ZNF197: variants seen among roughly 807,000 people sequenced by gnomAD.
ZNF197 encodes the protein VHL-associated KRAB-A domain-containing protein.
A neutral mutation model predicts 27.4 loss-of-function variants in ZNF197; 14 were observed. That is an observed-to-expected ratio of 0.51 (90% CI 0.34 to 0.80). ZNF197 has a LOEUF of 0.80. ZNF197 is among the 30% of genes least tolerant of loss of function. The pLI, the probability that ZNF197 is intolerant of heterozygous loss-of-function variation, is 0.02. For synonymous variants in ZNF197, 415 were observed against 420.0 expected, an observed-to-expected ratio of 0.99 and a Z score of 0.15; for missense variants, 1,090 against 1,222.6, an observed-to-expected ratio of 0.89 and a Z score of 1.62.
Position 44,642,659 on chromosome 3 carries a change from A to G in ZNF197, c.1529A>G (p.Tyr510Cys). The G allele has an allele frequency of 6.2e-7, 1 of 1,614,108 alleles. No homozygotes were observed. The change falls in exon 6 of 6, where the codon TAT becomes TGT. Residue 510 changes from tyrosine (Y) to cysteine (C), a missense_variant. Coordinates refer to ENST00000344387, the MANE Select transcript of ZNF197 (RefSeq NM_006991.5). ...HQRLHKGEEPYKCNKCQKAFI... is the reference protein window; with the variant it reads ...HQRLHKGEEPCKCNKCQKAFI... The stretch of plus-strand genomic sequence containing the variant: ...AGGCTCCACAAAGGGGAAGAACCTT[A>G]TAAATGTAATAAGTGTCAGAAAGCT...
Position 44,644,370 on chromosome 3 carries a change from G to A in ZNF197, c.*150G>A, listed in dbSNP as rs1403796234. On this transcript the variant is annotated 3_prime_UTR_variant, in exon 6 of 6. Coordinates refer to ENST00000344387, the MANE Select transcript of ZNF197 (RefSeq NM_006991.5). ...AGAAAGTTAATAGGCCGGGCTTGGT[G>A]GCTCATGCCTGTAATCCCAGCACTT... The A allele has an allele frequency of 2.9e-6, 4 of 1,399,596 alleles. No individual in the cohort carries two copies. In the African/African-American group the frequency reaches 4.4e-5, roughly 15 times the overall value. The allele number at this position is 1,399,596 out of a possible 1,614,324, so 86.7% of individuals were successfully genotyped here. A position where few individuals can be genotyped will look rare whatever the true frequency, so the allele number is the denominator to read the frequency against.
chr3:44,641,122 A>G (rs1490939539), intron 5 of ZNF197, among the ~76,000 whole-genome samples: 1 of 152,228 alleles, frequency 6.6e-6, no homozygotes, highest in Non-Finnish European at 1.5e-5. Flanking sequence ...CATACTGTTC[A>G]TACTTTAAAA....
intron 1 of ZNF197, among the ~76,000 whole-genome samples, chr3:44,626,176 T>C (rs1405387323): frequency 6.6e-6 from 1 of 152,218 alleles, no homozygotes; most frequent in African/African-American, 2.4e-5. Context: ...CCAGATCAGT[T>C]ACCAAGGACT....
chr3:44,634,862 T>C (rs1702198701), intron 5 of ZNF197, among the ~76,000 whole-genome samples: 1 of 152,156 alleles, frequency 6.6e-6, no homozygotes, highest in Admixed American at 6.5e-5. Flanking sequence ...GGGGTGTTAT[T>C]GCTTTTTGAG....
chr3:44,643,450 A>G lies in ZNF197; in HGVS notation c.2320A>G (p.Asn774Asp). Residue 774 changes from asparagine to aspartate, a missense_variant, in exon 6 of 6, where the codon AAC becomes GAC. Asn to Asp is a conservative substitution (Grantham distance 23, BLOSUM62 1). Coordinates refer to ENST00000344387, the MANE Select transcript of ZNF197 (RefSeq NM_006991.5). ...CSECGRAFSSNRNLIEHKRIH... is the reference protein window; with the variant it reads ...CSECGRAFSSDRNLIEHKRIH... ...TGAGTGTGGAAGAGCTTTCAGTTCAAACAGAAACCTCATTGAGCATAAGAG... is the reference window on the plus strand; with the variant it reads ...TGAGTGTGGAAGAGCTTTCAGTTCAGACAGAAACCTCATTGAGCATAAGAG... The G allele has an allele frequency of 6.2e-7, 1 of 1,614,220 alleles. No homozygotes were observed. The highest frequency in any genetic ancestry group is 2.2e-5 in the East Asian group (1 of 44,882).
intron 5 of ZNF197, among the ~76,000 whole-genome samples, chr3:44,636,436 T>G (rs1191782912): frequency 6.6e-6 from 1 of 152,184 alleles, no homozygotes; most frequent in African/African-American, 2.4e-5. Flanking sequence ...TCTACCTCTG[T>G]AGATTTGTGT....
At position 44,632,430 on chromosome 3, in the gene ZNF197, A is replaced by G. The variant is rs763823321; in HGVS notation, c.643-43A>G. 27 of 1,551,816 alleles carry G rather than the reference A, an allele frequency of 1.7e-5. No homozygotes were observed. The Admixed American group carries it at 5.3e-4, about 30-fold the overall frequency. ...AGTGAAGGGAACCTTTCGACAGGCA[A>G]GTTCCTGGGCATTGGTAATCTCACA... is the stretch of plus-strand genomic sequence containing the variant. On this transcript the variant is annotated intron_variant, in intron 4 of 5. Coordinates refer to ENST00000344387, the MANE Select transcript of ZNF197 (RefSeq NM_006991.5).
chr3:44,637,198 A>G (rs1469651822), intron 5 of ZNF197, among the ~76,000 whole-genome samples: 1 of 152,106 alleles, frequency 6.6e-6, no homozygotes, highest in Non-Finnish European at 1.5e-5. Flanking sequence ...GTGTGATCAT[A>G]GCTTACTGCA....
intron 5 of ZNF197, 45 bp downstream of exon 5, chr3:44,632,644 C>CT (rs1403907807): frequency 1.4e-6 from 2 of 1,409,096 alleles, no homozygotes; most frequent in Non-Finnish European, 1.9e-6. Context: ...TTTCACCAGC[C>CT]TTTATTTGTT....
intron 5 of ZNF197, among the ~76,000 whole-genome samples, chr3:44,636,788 T>G (rs146781405): frequency 1.3e-5 from 2 of 152,326 alleles, no homozygotes; most frequent in East Asian, 3.9e-4. Context: ...CCAGACTGTT[T>G]TCCAAAGCAA....
chr3:44,628,528 CAT>C (rs1201586615), intron 1 of ZNF197, among the ~76,000 whole-genome samples: 1 of 152,184 alleles, frequency 6.6e-6, no homozygotes, highest in Non-Finnish European at 1.5e-5. Context: ...GATTTTCTCT[CAT>C]ATGTATCATG....
At chr3:44,639,720 G>A (rs1702492842) in intron 5 of ZNF197, among the ~76,000 whole-genome samples, 1 of 151,672 alleles carries the variant, frequency 6.6e-6, no homozygotes, top group African/African-American at 2.4e-5. Flanking sequence ...GTGTAGGTAC[G>A]GGCTTAGGTA....
chr3:44,629,638 AATTAATAGC>A, intron 2 of ZNF197, 94 bp downstream of exon 2: 1 of 1,422,116 alleles, frequency 7.0e-7, no homozygotes, highest in African/African-American at 1.4e-5. Flanking sequence ...TTTCATTAAA[AATTAATAGC>A]ATTAATAGCA....
In ZNF197 at chr3:44,643,473, G is replaced by A. The variant is rs1431591216; in HGVS notation, c.2343G>A (p.Lys781=). Residue 781 remains lysine (K), a synonymous_variant, in exon 6 of 6, where the codon AAG becomes AAA. Coordinates refer to ENST00000344387, the MANE Select transcript of ZNF197 (RefSeq NM_006991.5). ...FSSNRNLIEH[K]RIHSGEKPYE... ...CAAACAGAAACCTCATTGAGCATAA[G>A]AGAATCCACAGTGGTGAGAAACCCT... is the stretch of plus-strand genomic sequence containing the variant. 6.2e-7 allele frequency: 1 copy of A among 1,614,182 alleles called. No homozygotes were observed. The highest frequency in any genetic ancestry group is 2.2e-5 in the East Asian group (1 of 44,870).
rs2125830371 is a variant in ZNF197 at position 44,646,187 on chromosome 3, T to C, written c.*1967T>C. 1 of 981,056 alleles carries C rather than the reference T, an allele frequency of 1.0e-6. No individual in the cohort carries two copies. Among genetic ancestry groups the C allele is most frequent in the Non-Finnish European group, 1.2e-6 (1 of 825,994 alleles). The allele number at this position is 981,056 out of a possible 1,614,324, so 60.8% of individuals were successfully genotyped here. ...GCCTCAGAAAAAATCTCTTCAGTTC[T>C]TGGAGCCTTGAATTCCTCATCTGTT... On this transcript the variant is annotated 3_prime_UTR_variant, in exon 6 of 6. Transcript: ENST00000344387.
chr3:44,633,801 C>T (rs978349103), intron 5 of ZNF197, among the ~76,000 whole-genome samples: 3 of 152,078 alleles, frequency 2.0e-5, no homozygotes, highest in African/African-American at 7.2e-5. Flanking sequence ...TTCCATATTT[C>T]TGGTAATATT....
At chr3:44,633,392 A>G (rs1308349030) in intron 5 of ZNF197, among the ~76,000 whole-genome samples, 1 of 152,260 alleles carries the variant, frequency 6.6e-6, no homozygotes, top group African/African-American at 2.4e-5. Context: ...TTACAGAGAT[A>G]TTAAATATAC....
rs1436274552 is a variant in ZNF197 at position 44,629,280 on chromosome 3, C to A, written c.126C>A (p.His42Gln). 1 of 1,614,052 alleles carries A rather than the reference C, an allele frequency of 6.2e-7. No individual in the cohort carries two copies. Among genetic ancestry groups the A allele is most frequent in the Non-Finnish European group, 8.5e-7 (1 of 1,180,042 alleles). Residue 42 changes from histidine (H) to glutamine (Q), a missense_variant, in exon 2 of 6, where the codon CAC (histidine) becomes CAA (glutamine). By Grantham distance (24) the His-to-Gln change is conservative (BLOSUM62 0). Coordinates refer to ENST00000344387, the MANE Select transcript of ZNF197 (RefSeq NM_006991.5). ...GSSSSVWETSHLHFRQLRYHE... is the reference protein window; with the variant it reads ...GSSSSVWETSQLHFRQLRYHE... ...GCTCCTCTGTTTGGGAGACCTCCCA[C>A]CTACACTTTAGACAATTACGTTACC... is the stretch of plus-strand genomic sequence containing the variant.
rs75974781 is a variant in ZNF197 at position 44,642,741 on chromosome 3, C to A, written c.1611C>A (p.Pro537=). The stretch of plus-strand genomic sequence containing the variant: ...AGAGAATCCACTCTGGGGAAAAACC[C>A]TATAAATGTGATGAATGTGGAAAGA... ...LHQRIHSGEK[P]YKCDECGKTF... Residue 537 remains proline, a synonymous_variant, in exon 6 of 6, where the codon CCC becomes CCA. Transcript: ENST00000344387. 3.2e-5 allele frequency: 52 copies of A among 1,613,574 alleles called. 1 individual carries two copies. In the East Asian group the frequency reaches 1.2e-3, roughly 36 times the overall value.
Sources: allele counts gnomAD v4.1 joint callset (sites outside exome capture counted in the v4.1 genomes callset), GRCh38; gene constraint gnomAD v4.1.1; transcripts MANE v1.5; gene names NCBI Gene and HGNC (gene_info 2026-07-23, HGNC 2026-07-21).